Variants in OSBPL11 observed in about 807,000 individuals in gnomAD.
The protein encoded by OSBPL11 is oxysterol-binding protein-related protein 11.
Under a neutral mutation model 84.4 loss-of-function variants are expected in OSBPL11, and 33 were observed. That is an observed-to-expected ratio of 0.39 (90% CI 0.30 to 0.52). The LOEUF (loss-of-function observed/expected upper bound fraction) is 0.52, where lower values mean the gene tolerates loss of function less well. Ranked by LOEUF, OSBPL11 falls within the 20% of genes least tolerant of loss-of-function variation. OSBPL11 has a pLI of 0.72. For missense variants in OSBPL11, 736 were observed against 901.1 expected (o/e 0.82, Z 2.35); for synonymous variants, 276 against 310.2 (o/e 0.89, Z 1.16).
chr3:125,593,488 C>T (rs534004296), intron 1 of OSBPL11, among the ~76,000 whole-genome samples: 3 of 151,902 alleles, frequency 2.0e-5, no homozygotes, highest in East Asian at 3.9e-4. Flanking sequence ...GGTGTGGTGG[C>T]GCACGCCTGT....
intron 6 of OSBPL11, among the ~76,000 whole-genome samples, chr3:125,567,050 T>C (rs1479993668): frequency 2.0e-5 from 3 of 152,238 alleles, no homozygotes; most frequent in Non-Finnish European, 2.9e-5. Flanking sequence ...CCAAGGTTTC[T>C]ACTTTGGTCA....
intron 1 of OSBPL11, 94 bp from the exon 2 acceptor site, chr3:125,583,072 A>G (rs918436244): frequency 2.5e-6 from 2 of 800,022 alleles, no homozygotes; most frequent in African/African-American, 3.6e-5. Flanking sequence ...AGATACATAT[A>G]TGCTCTATAA....
In OSBPL11 at chr3:125,538,593, C is replaced by T; in HGVS notation, c.1882G>A (p.Val628Ile). 1 of 1,613,006 alleles carries T rather than the reference C, an allele frequency of 6.2e-7. No individual in the cohort carries two copies. Among genetic ancestry groups the T allele is most frequent in the South Asian group, 1.1e-5 (1 of 90,894 alleles). ...EVKHNITNTVVCRVQGEWNSV... is the reference protein window; with the variant it reads ...EVKHNITNTVICRVQGEWNSV... ...TTCCATTCCCCTTGCACTCTGCATACCACAGTGTTGGTGATGTTGTGCTTT... is the reference window on the plus strand; with the variant it reads ...TTCCATTCCCCTTGCACTCTGCATATCACAGTGTTGGTGATGTTGTGCTTT... The change falls in exon 11 of 13, where the codon GTA (valine) becomes ATA (isoleucine). Residue 628 changes from valine to isoleucine, a missense_variant. By Grantham distance (29) the Val-to-Ile change is conservative (BLOSUM62 3). This residue lies in a region of OSBPL11 where 579 missense variants were observed against 717.6 expected (regional missense o/e 0.81). Coordinates refer to ENST00000296220, the MANE Select transcript of OSBPL11 (RefSeq NM_022776.5).
chr3:125,589,323 CAA>C (rs1383147583), intron 1 of OSBPL11, among the ~76,000 whole-genome samples: 2 of 84,312 alleles, frequency 2.4e-5, no homozygotes, highest in African/African-American at 1.0e-4. Flanking sequence ...GCCTGGGCAA[CAA>C]GAGTGAAACT....
chr3:125,541,646 T>C (rs574729788), intron 10 of OSBPL11, among the ~76,000 whole-genome samples: 2 of 152,294 alleles, frequency 1.3e-5, no homozygotes, highest in Admixed American at 6.5e-5. Flanking sequence ...GGTGAAATCA[T>C]GGCTTAATGC....
intron 2 of OSBPL11, 56 bp from the exon 3 acceptor site, chr3:125,580,096 A>G: frequency 6.8e-7 from 1 of 1,479,884 alleles, no homozygotes; most frequent in Non-Finnish European, 9.3e-7. Context: ...AGCAAACTAA[A>G]GCAAAGCAAA....
At chr3:125,568,785 A>G (rs191875756) in intron 5 of OSBPL11, among the ~76,000 whole-genome samples, 2 of 152,312 alleles carry the variant, frequency 1.3e-5, no homozygotes, top group Admixed American at 6.5e-5. Context: ...TTGATGAGCA[A>G]GCCAATTTTT....
chr3:125,575,299 A>C (rs770064733), intron 5 of OSBPL11, among the ~76,000 whole-genome samples: 4 of 152,154 alleles, frequency 2.6e-5, no homozygotes, highest in Non-Finnish European at 5.9e-5. Flanking sequence ...GGCAACATCA[A>C]AGATTTAATG....
intron 9 of OSBPL11, among the ~76,000 whole-genome samples, chr3:125,551,043 A>G (rs1366101970): frequency 6.6e-6 from 1 of 151,940 alleles, no homozygotes; most frequent in African/African-American, 2.4e-5. Context: ...GCATGCCTGT[A>G]GTCCTAGCTA....
intron 9 of OSBPL11, among the ~76,000 whole-genome samples, chr3:125,548,360 C>T (rs1935850709): frequency 2.0e-5 from 3 of 151,854 alleles, no homozygotes; most frequent in Admixed American, 2.0e-4. Context: ...TCATTCTATT[C>T]TATGTATATT....
Position 125,594,789 on chromosome 3 carries a change from AC to A in OSBPL11, c.11del (p.Gly4ValfsTer7), listed in dbSNP as rs1559851172. 2 of 1,610,260 alleles carry A rather than the reference AC, an allele frequency of 1.2e-6. No individual in the cohort carries two copies. The highest frequency in any genetic ancestry group is 1.7e-6 in the Non-Finnish European group (2 of 1,178,624). MQG[G>X]EPVSTMKVSE... ...AGACTTTCATTGTGGACACTGGTTC[AC>A]CCCCCTGCATCTTAACGCCAAAGTC... is the stretch of plus-strand genomic sequence containing the variant. On this transcript the variant is annotated frameshift_variant, in exon 1 of 13. Coordinates refer to ENST00000296220, the MANE Select transcript of OSBPL11 (RefSeq NM_022776.5). LOFTEE classifies it high-confidence loss of function.
chr3:125,587,606 A>C (rs1936534172), intron 1 of OSBPL11, among the ~76,000 whole-genome samples: 1 of 152,176 alleles, frequency 6.6e-6, no homozygotes, highest in South Asian at 2.1e-4. Flanking sequence ...GAAAACTAGG[A>C]GTATGGAAAG....
Position 125,530,499 on chromosome 3 carries a change from T to G in OSBPL11, c.*16A>C. ...CAGAGAAGAACCTCATTTGGTCGAG[T>G]TTTAGATAGTATGTGTCACTCTGCT... On this transcript the variant is annotated 3_prime_UTR_variant, in exon 13 of 13. Transcript: ENST00000296220. 1 of 1,611,098 alleles carries G rather than the reference T, an allele frequency of 6.2e-7. No homozygotes were observed. The highest frequency in any genetic ancestry group is 8.5e-7 in the Non-Finnish European group (1 of 1,177,352).
intron 6 of OSBPL11, among the ~76,000 whole-genome samples, chr3:125,566,800 T>A (rs1936163144): frequency 1.3e-5 from 2 of 151,842 alleles, no homozygotes; most frequent in Admixed American, 6.6e-5. Context: ...ATATATTTTT[T>A]TTTTAATGGG....
At chr3:125,581,987 T>C (rs1936434503) in intron 2 of OSBPL11, among the ~76,000 whole-genome samples, 1 of 151,548 alleles carries the variant, frequency 6.6e-6, no homozygotes, top group East Asian at 1.9e-4. Context: ...AATAATTAAT[T>C]AATTAATTAA....
rs560574025 is a variant in OSBPL11, at chr3:125,557,237, G to T, written c.1155+3142C>A. On this transcript the variant is annotated intron_variant, in intron 8 of 12. Transcript: ENST00000296220. The stretch of plus-strand genomic sequence containing the variant: ...TTCACAACATGAAGGCTAGGACCAT[G>T]GTTATCTTATTTGTTCCTGTCCCAA... Among the ~76,000 whole-genome samples the T allele has an allele frequency of 1.1e-3, 165 of 152,274 alleles. 3 individuals are homozygous for T. Among genetic ancestry groups the T allele is most frequent in the African/African-American group, 3.8e-3 (157 of 41,558 alleles).
intron 1 of OSBPL11, 106 bp downstream of exon 1, chr3:125,594,531 A>G: frequency 7.6e-7 from 1 of 1,321,322 alleles, no homozygotes; most frequent in African/African-American, 1.5e-5. Context: ...AGCTTCTGGA[A>G]GCCAGTGAAA....
chr3:125,556,582 T>C (rs1253369946), intron 8 of OSBPL11, among the ~76,000 whole-genome samples: 3 of 152,232 alleles, frequency 2.0e-5, no homozygotes, highest in Non-Finnish European at 4.4e-5. Context: ...CTTTGCCTTA[T>C]AATTTCACAA....
chr3:125,585,226 G>A (rs1347645931), intron 1 of OSBPL11, among the ~76,000 whole-genome samples: 1 of 152,092 alleles, frequency 6.6e-6, no homozygotes, highest in Non-Finnish European at 1.5e-5. Context: ...CGCCTCTGGG[G>A]CTCATGCGAT....
Sources: allele counts gnomAD v4.1 joint callset (sites outside exome capture counted in the v4.1 genomes callset), GRCh38; gene constraint gnomAD v4.1.1; regional missense constraint gnomAD v4.1.1; transcripts MANE v1.5; gene names NCBI Gene and HGNC (gene_info 2026-07-23, HGNC 2026-07-21).